CEP128: variants seen among roughly 807,000 people sequenced by gnomAD.
CEP128 encodes the protein centrosomal protein 128kDa.
CEP128 carries 132 observed loss-of-function variants against 156.7 expected under a neutral mutation model. The observed-to-expected ratio is 0.84, with a 90% CI of 0.73 to 0.97. The LOEUF is 0.97. CEP128 is among the 50% of genes least tolerant of loss of function. The pLI is 0.00. For missense variants in CEP128, 1,252 were observed against 1,281.9 expected, an observed-to-expected ratio of 0.98 and a Z score of 0.36; for synonymous variants, 469 against 448.9, an observed-to-expected ratio of 1.04 and a Z score of -0.57.
intron 7 of CEP128, among the ~76,000 whole-genome samples, chr14:80,897,147 A>AC (rs1889382878): frequency 2.0e-5 from 3 of 152,224 alleles, no homozygotes; most frequent in African/African-American, 7.2e-5. Flanking sequence ...GAATAATAAA[A>AC]ATGAGCAAAC....
chr14:80,878,129 C>T (rs936223770), intron 8 of CEP128, among the ~76,000 whole-genome samples: 1 of 152,150 alleles, frequency 6.6e-6, no homozygotes, highest in Admixed American at 6.5e-5. Flanking sequence ...CCCTGGTCCT[C>T]CAGCATATTA....
intron 19 of CEP128, among the ~76,000 whole-genome samples, chr14:80,599,295 C>T (rs1300052288): frequency 9.0e-6 from 1 of 111,658 alleles, no homozygotes; most frequent in African/African-American, 3.5e-5. Flanking sequence ...TTTTTTGAGA[C>T]GGAGTCTCGC....
At chr14:80,838,165 T>G (rs754872504) in intron 11 of CEP128, 39 bp downstream of exon 11, 25 of 1,372,584 alleles carry the variant, frequency 1.8e-5, no homozygotes, top group Middle Eastern at 1.8e-4. Flanking sequence ...AATCCTGATT[T>G]AATGTAAAAG....
intron 19 of CEP128, among the ~76,000 whole-genome samples, chr14:80,732,471 GGTGT>G (rs10672093): frequency 0.1 from 12,949 of 127,554 alleles, 630 homozygotes; most frequent in South Asian, 0.17. Flanking sequence ...TGATTAAGCA[GGTGT>G]GTGTGTGTGT....
intron 19 of CEP128, among the ~76,000 whole-genome samples, chr14:80,594,109 G>A (rs1279404735): frequency 2.0e-5 from 3 of 152,060 alleles, no homozygotes; most frequent in Non-Finnish European, 4.4e-5. Flanking sequence ...ACGTGATACT[G>A]GTACCAACAC....
At chr14:80,957,541 G>A (rs1192102084) in intron 2 of CEP128, among the ~76,000 whole-genome samples, 1 of 152,132 alleles carries the variant, frequency 6.6e-6, no homozygotes, top group African/African-American at 2.4e-5. Flanking sequence ...CTATGTTGGG[G>A]AGAAAGAAAT....
chr14:80,617,217 A>ATTTTT (rs1555382736), intron 19 of CEP128, among the ~76,000 whole-genome samples: 23 of 43,122 alleles, frequency 5.3e-4, no homozygotes, highest in Non-Finnish European at 8.0e-4. Flanking sequence ...TGTGAATATC[A>ATTTTT]TCTTTTTTTT....
chr14:80,707,459 C>T (rs772985448), intron 19 of CEP128, among the ~76,000 whole-genome samples: 55 of 152,254 alleles, frequency 3.6e-4, no homozygotes, highest in Non-Finnish European at 6.8e-4. Context: ...AATATTTATA[C>T]CTGATCAGAA....
At chr14:80,813,521 T>G (rs1183718002) in intron 13 of CEP128, among the ~76,000 whole-genome samples, 1 of 152,200 alleles carries the variant, frequency 6.6e-6, no homozygotes, top group Non-Finnish European at 1.5e-5. Context: ...AAACAATTAC[T>G]TTTTACAATT....
At chr14:80,592,877 A>G (rs1283993894) in intron 19 of CEP128, among the ~76,000 whole-genome samples, 2 of 152,170 alleles carry the variant, frequency 1.3e-5, no homozygotes, top group African/African-American at 2.4e-5. Context: ...ATCATTATGT[A>G]AATAGAACCA....
rs1250968694 is a variant in CEP128 at position 80,647,110 on chromosome 14, CACACACACACACACAT to C, written c.2807-66703_2807-66688del. 1.1e-4 allele frequency among the ~76,000 whole-genome samples: 12 copies of C among 111,530 alleles called. 1 individual carries two copies. The highest frequency in any genetic ancestry group is 5.6e-4 in the East Asian group (2 of 3,556). The allele number at this position is 111,530 out of a possible 152,430, so 73.2% of individuals were successfully genotyped here. On this transcript the variant is annotated intron_variant, in intron 19 of 24. Coordinates refer to ENST00000555265, the MANE Select transcript of CEP128 (RefSeq NM_152446.5). Reference sequence around the variant, plus strand: ...ATACACCCTTATAAATACACATACACACACACACACACACATACACACACACACACACACACACTGC... The same window carrying C: ...ATACACCCTTATAAATACACATACACACACACACACACACACACACACTGC...
intron 23 of CEP128, among the ~76,000 whole-genome samples, chr14:80,524,743 A>G (rs1888901433): frequency 6.6e-6 from 1 of 152,234 alleles, no homozygotes; most frequent in Non-Finnish European, 1.5e-5. Context: ...GGTGATAGTC[A>G]ATAAATGCAT....
chr14:80,694,380 C>T (rs1248191086), intron 19 of CEP128, among the ~76,000 whole-genome samples: 1 of 152,084 alleles, frequency 6.6e-6, no homozygotes, highest in Non-Finnish European at 1.5e-5. Flanking sequence ...TACAATTTGA[C>T]CCACAAATCC....
At chr14:80,489,174 C>T (rs140199658), downstream of CEP128, among the ~76,000 whole-genome samples, 902 of 148,838 alleles carry the variant, frequency 6.1e-3, 11 homozygotes, top group African/African-American at 0.021. Flanking sequence ...AATAAAACAC[C>T]AAGCAAAACA....
chr14:80,745,524 A>T (rs1444257521), intron 18 of CEP128, among the ~76,000 whole-genome samples: 2 of 152,186 alleles, frequency 1.3e-5, no homozygotes, highest in African/African-American at 4.8e-5. Context: ...ACCAAAAGAC[A>T]CAGAAAATGC....
chr14:80,834,513 T>G (rs1364822527), intron 12 of CEP128, among the ~76,000 whole-genome samples: 1 of 152,226 alleles, frequency 6.6e-6, no homozygotes, highest in African/African-American at 2.4e-5. Flanking sequence ...TGTCTTTAAA[T>G]AATCTAAGTA....
chr14:80,858,874 A>G (rs1453897033), intron 9 of CEP128, among the ~76,000 whole-genome samples: 49 of 152,250 alleles, frequency 3.2e-4, no homozygotes, highest in Admixed American at 2.8e-3. Context: ...TTAGAATGGC[A>G]ATCATTAAAA....
At chr14:80,597,950 C>CAAAAAAAAAAAAAAAAAA (rs34001813) in intron 19 of CEP128, among the ~76,000 whole-genome samples, 1 of 80,136 alleles carries the variant, frequency 1.2e-5, no homozygotes, top group African/African-American at 5.0e-5. Flanking sequence ...TCCTCAGCTA[C>CAAAAAAAAAAAAAAAAAA]AAAAAAAAAA....
upstream of CEP128, among the ~76,000 whole-genome samples, chr14:80,946,726 G>A (rs967209033): frequency 2.0e-5 from 3 of 152,138 alleles, no homozygotes; most frequent in African/African-American, 4.8e-5. Flanking sequence ...CCGTTTCAAG[G>A]AGAAGGGACA....
Sources: allele counts gnomAD v4.1 joint callset (sites outside exome capture counted in the v4.1 genomes callset), GRCh38; gene constraint gnomAD v4.1.1; transcripts MANE v1.5; gene names NCBI Gene and HGNC (gene_info 2026-07-23, HGNC 2026-07-21).